The following PIP4K2A variants were observed in gnomAD, a reference collection of about 807,000 sequenced individuals.
PIP4K2A encodes the protein phosphatidylinositol-5-phosphate 4-kinase type 2 alpha.
Under a neutral mutation model 42.9 loss-of-function variants are expected in PIP4K2A, and 14 were observed. The ratio of observed to expected loss-of-function variants is 0.33; its 90% CI spans 0.22 to 0.51. The LOEUF (loss-of-function observed/expected upper bound fraction) is 0.51. Ranked by LOEUF, PIP4K2A falls within the 20% of genes least tolerant of loss-of-function variation. PIP4K2A has a pLI of 0.97. For missense variants in PIP4K2A, 434 were observed against 519.8 expected (o/e 0.83, Z 1.61); for synonymous variants, 192 against 192.2 (o/e 1.00, Z 0.01).
chr10:22,590,107 G>C (rs1837479000), intron 4 of PIP4K2A, among the ~76,000 whole-genome samples: 1 of 152,150 alleles, frequency 6.6e-6, no homozygotes, highest in African/African-American at 2.4e-5. Flanking sequence ...ACACACGTGA[G>C]GCTACAGTGA....
In PIP4K2A at chr10:22,709,990, TCA is replaced by T. The variant is rs45439691; in HGVS notation, c.144+4191_144+4192del. ...TATGTCCTATTCAGTCAAAGTCATT[TCA>T]CAGTCACTCAAATCACTTTAAAACT... On this transcript the variant is annotated intron_variant, in intron 1 of 9. Coordinates refer to ENST00000376573, the MANE Select transcript of PIP4K2A (RefSeq NM_005028.5). Among the ~76,000 whole-genome samples the T allele has an allele frequency of 9.3e-3, 1,407 of 151,958 alleles. 8 individuals carry two copies. The highest frequency in any genetic ancestry group is 0.02 in the Middle Eastern group (6 of 294).
intron 1 of PIP4K2A, among the ~76,000 whole-genome samples, chr10:22,672,615 G>A (rs1839477530): frequency 6.6e-6 from 1 of 152,188 alleles, no homozygotes; most frequent in Non-Finnish European, 1.5e-5. Context: ...AGAGAAAAGA[G>A]AAATGAATAT....
chr10:22,651,430 G>A (rs566524090), intron 1 of PIP4K2A, among the ~76,000 whole-genome samples: 5 of 152,160 alleles, frequency 3.3e-5, no homozygotes, highest in East Asian at 3.9e-4. Flanking sequence ...CTTTCACTCC[G>A]ATCACCCCGG....
At chr10:22,571,132 T>C (rs2130792681) in intron 5 of PIP4K2A, among the ~76,000 whole-genome samples, 1 of 152,346 alleles carries the variant, frequency 6.6e-6, no homozygotes, top group South Asian at 2.1e-4. Flanking sequence ...AAGAACTGTT[T>C]TCGTGACGGT....
chr10:22,619,434 TTTTTC>T (rs1281858268), intron 1 of PIP4K2A, among the ~76,000 whole-genome samples: 138 of 131,348 alleles, frequency 1.1e-3, no homozygotes, highest in African/African-American at 4.8e-3. Context: ...TTCTTTTTCT[TTTTTC>T]TTTTTTTTTT....
intron 1 of PIP4K2A, among the ~76,000 whole-genome samples, chr10:22,613,464 G>GA (rs1838101537): frequency 6.6e-6 from 1 of 152,162 alleles, no homozygotes; most frequent in Admixed American, 6.5e-5. Flanking sequence ...TCACAGGAGG[G>GA]AAAAGAGATA....
At chr10:22,714,146 G>T in intron 1 of PIP4K2A, 37 bp downstream of exon 1, 1 of 1,576,724 alleles carries the variant, frequency 6.3e-7, no homozygotes, top group Non-Finnish European at 8.6e-7. Flanking sequence ...AAGAGGAGGA[G>T]GAGGAAGGGG....
chr10:22,694,105 T>C (rs1297098946), intron 1 of PIP4K2A: 1 of 152,122 alleles, frequency 6.6e-6, no homozygotes, highest in Admixed American at 6.5e-5. Flanking sequence ...GATTTTGGTG[T>C]CTGCAGGATC....
chr10:22,628,718 G>A (rs1169026075), intron 1 of PIP4K2A, among the ~76,000 whole-genome samples: 1 of 152,174 alleles, frequency 6.6e-6, no homozygotes, highest in African/African-American at 2.4e-5. Context: ...TTGGCAACTG[G>A]TTCAAAGAGT....
intron 7 of PIP4K2A, among the ~76,000 whole-genome samples, chr10:22,550,106 C>T (rs539161297): frequency 6.6e-6 from 1 of 152,220 alleles, no homozygotes; most frequent in African/African-American, 2.4e-5. Flanking sequence ...CCTAGTATCC[C>T]AAGCTGCCCC....
At chr10:22,616,724 T>A (rs955872032) in intron 1 of PIP4K2A, among the ~76,000 whole-genome samples, 1 of 152,182 alleles carries the variant, frequency 6.6e-6, no homozygotes, top group Admixed American at 6.5e-5. Context: ...AGTACATGTT[T>A]AGGGCAGATG....
chr10:22,672,392 A>G (rs1446679730), intron 1 of PIP4K2A, among the ~76,000 whole-genome samples: 4 of 152,248 alleles, frequency 2.6e-5, no homozygotes, highest in African/African-American at 4.8e-5. Context: ...AAGAATTAAA[A>G]AAATGGATAA....
intron 6 of PIP4K2A, among the ~76,000 whole-genome samples, chr10:22,562,439 C>T (rs1022791054): frequency 6.6e-6 from 1 of 152,096 alleles, no homozygotes; most frequent in African/African-American, 2.4e-5. Context: ...GTCCCAGCTA[C>T]TAGGGAGGCT....
At chr10:22,706,011 C>G (rs1833816806) in intron 1 of PIP4K2A, among the ~76,000 whole-genome samples, 1 of 151,760 alleles carries the variant, frequency 6.6e-6, no homozygotes, top group Middle Eastern at 3.4e-3. Context: ...GAATGAACAC[C>G]CAGCAAAAGG....
chr10:22,695,414 A>G (rs886140644), intron 1 of PIP4K2A, among the ~76,000 whole-genome samples: 5 of 152,188 alleles, frequency 3.3e-5, no homozygotes, highest in African/African-American at 1.2e-4. Flanking sequence ...ACTGCAGTTT[A>G]TCCTTGTTTT....
chr10:22,615,164 G>C (rs1450227111), intron 1 of PIP4K2A, among the ~76,000 whole-genome samples: 1 of 152,052 alleles, frequency 6.6e-6, no homozygotes, highest in Non-Finnish European at 1.5e-5. Flanking sequence ...TGGAGTGCAG[G>C]GGCATGATCA....
rs1269054384 is a variant in PIP4K2A at position 22,541,831 on chromosome 10, C to T, written c.1009G>A (p.Asp337Asn). 3.2e-6 allele frequency: 5 copies of T among 1,572,220 alleles called. No individual in the cohort carries two copies. The highest frequency in any genetic ancestry group is 4.3e-6 in the Non-Finnish European group (5 of 1,160,930). Reference sequence around the variant, plus strand: ...TCATGGCACTTAATTCCATAGACGTCGATGTTCGGATCGAACTCCCCGGGA... The same window carrying T: ...TCATGGCACTTAATTCCATAGACGTTGATGTTCGGATCGAACTCCCCGGGA... ...LAPGEFDPNI[D>N]VYGIKCHENS... The change falls in exon 8 of 10, where the codon GAC becomes AAC. Residue 337 changes from aspartate (D) to asparagine (N), a missense_variant. By Grantham distance (23) the Asp-to-Asn change is conservative (BLOSUM62 1). Transcript: ENST00000376573.
chr10:22,536,969 C>T lies in PIP4K2A; in HGVS notation c.*232G>A, dbSNP rs3750705. On this transcript the variant is annotated 3_prime_UTR_variant, in exon 10 of 10. Transcript: ENST00000376573. The stretch of plus-strand genomic sequence containing the variant: ...CGCGCACACACTCACCCCCCCCCAA[C>T]ACACACACACACACATATACACAAA... The T allele has an allele frequency of 6.8e-5, 2 of 29,268 alleles. No homozygotes were observed. The highest frequency in any genetic ancestry group is 5.8e-4 in the East Asian group (1 of 1,728). 1.8% of individuals were successfully genotyped at this position (29,268 alleles called of 1,614,324 possible). A position where few individuals can be genotyped will look rare whatever the true frequency, so the allele number is the denominator to read the frequency against.
Position 22,634,350 on chromosome 10 carries a change from T to A in PIP4K2A, c.145-24633A>T, listed in dbSNP as rs533168932. On this transcript the variant is annotated intron_variant, in intron 1 of 9. Coordinates refer to ENST00000376573, the MANE Select transcript of PIP4K2A (RefSeq NM_005028.5). ...TATCACCTTCCTTTCCTATGGTACT[T>A]CTTGTTTATTTTCAAGTTTGTTTCC... Among the ~76,000 whole-genome samples, 8 of 152,312 alleles carry A rather than the reference T, an allele frequency of 5.3e-5. No individual in the cohort carries two copies. The South Asian group carries it at 1.7e-3, about 32-fold the overall frequency.
Sources: allele counts gnomAD v4.1 joint callset (sites outside exome capture counted in the v4.1 genomes callset), GRCh38; gene constraint gnomAD v4.1.1; transcripts MANE v1.5; gene names NCBI Gene and HGNC (gene_info 2026-07-23, HGNC 2026-07-21).